Variants in DLGAP2 observed in about 807,000 individuals in gnomAD.
DLGAP2 encodes disks large-associated protein 2.
A neutral mutation model predicts 100.3 loss-of-function variants in DLGAP2; 26 were observed. That is an observed-to-expected ratio of 0.26 (90% CI 0.19 to 0.36). The LOEUF (loss-of-function observed/expected upper bound fraction) is 0.36, where lower values mean the gene tolerates loss of function less well. Among genes scored for constraint, DLGAP2 ranks in the 10% least tolerant of loss-of-function variants. DLGAP2 has a pLI of 1.00. For synonymous variants in DLGAP2, 886 were observed against 630.1 expected (o/e 1.41, Z -6.08); for missense variants, 1,858 against 1,453.2 (o/e 1.28, Z -4.53).
chr8:1,279,941 G>A lies in DLGAP2; in HGVS notation c.106+21058G>A, dbSNP rs186530494. Reference sequence around the variant, plus strand: ...CACACAGGCTTGAGAACCAGGAGGCGCAGAGCCCAGGAGGTGCCTATGTTG... The same window carrying A: ...CACACAGGCTTGAGAACCAGGAGGCACAGAGCCCAGGAGGTGCCTATGTTG... On this transcript the variant is annotated intron_variant, in intron 3 of 14. Transcript: ENST00000637795. Among the ~76,000 whole-genome samples, 22 of 152,278 alleles carry A rather than the reference G, an allele frequency of 1.4e-4. No homozygotes were observed. In the East Asian group the frequency reaches 2.9e-3, roughly 20 times the overall value.
At chr8:1,223,310 T>C (rs148792517) in intron 2 of DLGAP2, among the ~76,000 whole-genome samples, 1 of 152,304 alleles carries the variant, frequency 6.6e-6, no homozygotes, top group Non-Finnish European at 1.5e-5. Flanking sequence ...AGTGTGCAGG[T>C]CTATGCCATG....
At chr8:1,561,048 T>G (rs1185056007) in intron 5 of DLGAP2, among the ~76,000 whole-genome samples, 1 of 152,142 alleles carries the variant, frequency 6.6e-6, no homozygotes, top group Non-Finnish European at 1.5e-5. Context: ...GACTGAATCA[T>G]GGGGTGGGTC....
rs967857941 is a variant in DLGAP2 at position 802,624 on chromosome 8, C to T, written c.18+64799C>T. Among the ~76,000 whole-genome samples the T allele has an allele frequency of 3.3e-5, 5 of 152,142 alleles. No homozygotes were observed. The South Asian group carries it at 6.2e-4, about 19-fold the overall frequency. Reference sequence around the variant, plus strand: ...AGCCACCCTCAGAACCCACAGCCCCCGAGAGGCTGCATCTCACCGTCTCAG... The same window carrying T: ...AGCCACCCTCAGAACCCACAGCCCCTGAGAGGCTGCATCTCACCGTCTCAG... On this transcript the variant is annotated intron_variant, in intron 1 of 14. Coordinates refer to ENST00000637795, the MANE Select transcript of DLGAP2 (RefSeq NM_001346810.2).
chr8:1,219,494 A>G (rs1798275816), intron 2 of DLGAP2, among the ~76,000 whole-genome samples: 1 of 152,100 alleles, frequency 6.6e-6, no homozygotes, highest in African/African-American at 2.4e-5. Context: ...TTAGCATCTT[A>G]ATGTGCTGCT....
At chr8:1,590,321 C>G (rs1226807147) in intron 6 of DLGAP2, among the ~76,000 whole-genome samples, 2 of 152,146 alleles carry the variant, frequency 1.3e-5, no homozygotes, top group Non-Finnish European at 2.9e-5. Context: ...AATCGCGTCG[C>G]CAGGATAATG....
At chr8:1,425,069 C>T (rs1199348609) in intron 3 of DLGAP2, among the ~76,000 whole-genome samples, 2 of 152,158 alleles carry the variant, frequency 1.3e-5, no homozygotes, top group African/African-American at 2.4e-5. Context: ...ATTTTTTGCA[C>T]TTAGTTTTTA....
At chr8:809,066 C>T (rs1474946667) in intron 1 of DLGAP2, among the ~76,000 whole-genome samples, 1 of 152,082 alleles carries the variant, frequency 6.6e-6, no homozygotes, top group Non-Finnish European at 1.5e-5. Flanking sequence ...ACCACCACGC[C>T]TGGCTAATTT....
chr8:740,542 T>C (rs1820456911), intron 1 of DLGAP2, among the ~76,000 whole-genome samples: 2 of 152,214 alleles, frequency 1.3e-5, no homozygotes, highest in African/African-American at 4.8e-5. Flanking sequence ...TTGAAATTGG[T>C]AGAAATTCCA....
chr8:1,441,776 G>T (rs1030968153), intron 3 of DLGAP2, among the ~76,000 whole-genome samples: 13 of 148,212 alleles, frequency 8.8e-5, no homozygotes, highest in Non-Finnish European at 1.6e-4. Flanking sequence ...GCTTTCAACA[G>T]CTTGACCAGT....
intron 2 of DLGAP2, among the ~76,000 whole-genome samples, chr8:1,012,930 G>A (rs978408417): frequency 1.8e-4 from 27 of 152,134 alleles, no homozygotes; most frequent in Admixed American, 3.3e-4. Context: ...GTGTGTTCCT[G>A]TTTAACCTCT....
At chr8:815,241 C>G (rs1288008830) in intron 1 of DLGAP2, among the ~76,000 whole-genome samples, 2 of 152,214 alleles carry the variant, frequency 1.3e-5, no homozygotes, top group Non-Finnish European at 2.9e-5. Flanking sequence ...GGGCTGCTGT[C>G]TGCTTGCAGG....
At chr8:868,335 A>T (rs1797535521) in intron 1 of DLGAP2, among the ~76,000 whole-genome samples, 1 of 152,136 alleles carries the variant, frequency 6.6e-6, no homozygotes, top group Non-Finnish European at 1.5e-5. Flanking sequence ...TTGTATCCAC[A>T]TGTGGATGCA....
intron 2 of DLGAP2, among the ~76,000 whole-genome samples, chr8:1,018,105 A>T (rs1300839733): frequency 1.3e-5 from 2 of 150,116 alleles, no homozygotes; most frequent in East Asian, 4.0e-4. Context: ...AGACTCTCAC[A>T]TGACCCCTGC....
intron 2 of DLGAP2, among the ~76,000 whole-genome samples, chr8:1,040,436 G>C (rs185887325): frequency 6.7e-6 from 1 of 148,230 alleles, no homozygotes; most frequent in African/African-American, 2.5e-5. Context: ...CTCAATGTGC[G>C]TGGTCGGCTC....
At chr8:1,008,967 A>G (rs111640729) in intron 2 of DLGAP2, among the ~76,000 whole-genome samples, 6 of 152,382 alleles carry the variant, frequency 3.9e-5, no homozygotes, top group Non-Finnish European at 4.4e-5. Context: ...CTGGGTATGC[A>G]GAATCGCACT....
chr8:955,222 C>G (rs544770147), intron 2 of DLGAP2, among the ~76,000 whole-genome samples: 6 of 152,166 alleles, frequency 3.9e-5, no homozygotes, highest in Non-Finnish European at 2.9e-5. Flanking sequence ...GAGCCTGTCT[C>G]AGAAACCACC....
chr8:1,685,634 G>T (rs1799095011), intron 12 of DLGAP2, among the ~76,000 whole-genome samples: 1 of 151,948 alleles, frequency 6.6e-6, no homozygotes, highest in Non-Finnish European at 1.5e-5. Context: ...AAAGGAAACA[G>T]CAGAGTGAAA....
At chr8:1,626,954 G>A (rs138985315) in intron 7 of DLGAP2, 67 bp downstream of exon 7, 190 of 1,521,316 alleles carry the variant, frequency 1.2e-4, no homozygotes, top group Middle Eastern at 1.7e-4. Flanking sequence ...CGGAGGCCCC[G>A]GCCGCATAGG....
intron 2 of DLGAP2, among the ~76,000 whole-genome samples, chr8:1,246,633 T>C (rs922192912): frequency 5.3e-5 from 8 of 152,240 alleles, no homozygotes; most frequent in African/African-American, 9.6e-5. Flanking sequence ...GTGAAGACAA[T>C]TGCACCTGCT....
Sources: allele counts gnomAD v4.1 joint callset (sites outside exome capture counted in the v4.1 genomes callset), GRCh38; gene constraint gnomAD v4.1.1; transcripts MANE v1.5; gene names NCBI Gene and HGNC (gene_info 2026-07-23, HGNC 2026-07-21).